The following AGPS variants were observed in gnomAD, a reference collection of about 807,000 sequenced individuals.
AGPS encodes alkylglycerone phosphate synthase.
AGPS carries 26 observed loss-of-function variants against 90.7 expected under a neutral mutation model. That is an observed-to-expected ratio of 0.29 (90% CI 0.21 to 0.40). The LOEUF (loss-of-function observed/expected upper bound fraction) is 0.40. Ranked by LOEUF, AGPS falls within the 10% of genes least tolerant of loss-of-function variation. The pLI is 1.00. For synonymous variants in AGPS, 294 were observed against 285.3 expected (o/e 1.03, Z -0.31); for missense variants, 540 against 816.1 (o/e 0.66, Z 4.12).
chr2:177,393,163 C>T (rs929677170), intron 1 of AGPS, 114 bp downstream of exon 1: 1 of 1,547,136 alleles, frequency 6.5e-7, no homozygotes, highest in Admixed American at 2.0e-5. Flanking sequence ...GAAGGCATCC[C>T]GGTCCCTGAA....
intron 2 of AGPS, among the ~76,000 whole-genome samples, chr2:177,422,583 G>T (rs535868608): frequency 6.6e-6 from 1 of 152,296 alleles, no homozygotes; most frequent in East Asian, 1.9e-4. Context: ...TGCATTAGTG[G>T]AGGGTAGCTT....
chr2:177,511,861 C>A (rs975436354), intron 16 of AGPS, among the ~76,000 whole-genome samples: 3 of 152,164 alleles, frequency 2.0e-5, no homozygotes, highest in African/African-American at 7.2e-5. Flanking sequence ...ATCTCCTTTT[C>A]ATTATTCAAC....
intron 1 of AGPS, among the ~76,000 whole-genome samples, chr2:177,412,263 A>G (rs1480615418): frequency 6.6e-6 from 1 of 152,160 alleles, no homozygotes; most frequent in African/African-American, 2.4e-5. Context: ...CCCAGGAGGT[A>G]TGGGTCAGAA....
intron 10 of AGPS, among the ~76,000 whole-genome samples, chr2:177,469,758 C>A (rs1687557807): frequency 6.6e-6 from 1 of 152,064 alleles, no homozygotes; most frequent in Admixed American, 6.6e-5. Flanking sequence ...CATAATTTTT[C>A]ATTACATTAT....
chr2:177,523,312 T>G (rs942248964), intron 18 of AGPS, among the ~76,000 whole-genome samples: 1 of 152,348 alleles, frequency 6.6e-6, no homozygotes, highest in African/African-American at 2.4e-5. Context: ...AAAGCTATAC[T>G]GAAAATAAGA....
chr2:177,449,708 C>T (rs538317327), intron 8 of AGPS, among the ~76,000 whole-genome samples: 7 of 152,258 alleles, frequency 4.6e-5, no homozygotes, highest in Admixed American at 6.5e-5. Flanking sequence ...ATTATAGGCT[C>T]GGGCCCCTGT....
chr2:177,472,410 T>C (rs1422937983), intron 10 of AGPS, among the ~76,000 whole-genome samples: 1 of 152,140 alleles, frequency 6.6e-6, no homozygotes, highest in Non-Finnish European at 1.5e-5. Flanking sequence ...TCTTGTTTCA[T>C]TTCTTGTTGT....
intron 19 of AGPS, among the ~76,000 whole-genome samples, chr2:177,535,718 G>A (rs2105745203): frequency 6.6e-6 from 1 of 152,242 alleles, no homozygotes; most frequent in East Asian, 1.9e-4. Context: ...TGAAGTAGTT[G>A]ACTTAAATTG....
chr2:177,464,920 A>G (rs1451515296), intron 9 of AGPS, among the ~76,000 whole-genome samples: 1 of 152,268 alleles, frequency 6.6e-6, no homozygotes, highest in East Asian at 1.9e-4. Flanking sequence ...TCTGAAGAAA[A>G]TGCTTCTTTT....
At chr2:177,445,145 G>A (rs1686729128) in intron 7 of AGPS, among the ~76,000 whole-genome samples, 1 of 152,158 alleles carries the variant, frequency 6.6e-6, no homozygotes, top group African/African-American at 2.4e-5. Flanking sequence ...CACAATGCCA[G>A]GACCTGTATA....
At chr2:177,441,944 A>G (rs1262414438) in intron 6 of AGPS, among the ~76,000 whole-genome samples, 1 of 152,204 alleles carries the variant, frequency 6.6e-6, no homozygotes, top group Non-Finnish European at 1.5e-5. Context: ...ATTCTAATTT[A>G]TTAAAGCTTT....
chr2:177,430,844 A>G (rs1007241114), intron 2 of AGPS, among the ~76,000 whole-genome samples: 3 of 152,154 alleles, frequency 2.0e-5, no homozygotes, highest in Admixed American at 6.5e-5. Context: ...GAAAAATGTC[A>G]CTATTTTTGA....
At chr2:177,472,612 C>A (rs373981779) in intron 10 of AGPS, among the ~76,000 whole-genome samples, 1 of 152,132 alleles carries the variant, frequency 6.6e-6, no homozygotes, top group South Asian at 2.1e-4. Flanking sequence ...GTTTACAGAT[C>A]TGATATGCCT....
chr2:177,509,240 A>AT (rs561392259), intron 16 of AGPS, among the ~76,000 whole-genome samples: 19 of 151,994 alleles, frequency 1.3e-4, no homozygotes, highest in South Asian at 6.2e-4. Context: ...GTCATTCACA[A>AT]TTTTTTTTAT....
At chr2:177,460,117 A>T (rs1265315514) in intron 8 of AGPS, among the ~76,000 whole-genome samples, 6 of 152,220 alleles carry the variant, frequency 3.9e-5, no homozygotes, top group African/African-American at 1.2e-4. Context: ...TTGAACAATG[A>T]GTACACATGG....
chr2:177,437,131 T>C, intron 5 of AGPS, 77 bp downstream of exon 5: 1 of 1,347,302 alleles, frequency 7.4e-7, no homozygotes, highest in South Asian at 1.2e-5. Flanking sequence ...AATACGTACT[T>C]TTTGGCATAT....
At chr2:177,482,641 A>G (rs1183781378) in intron 11 of AGPS, among the ~76,000 whole-genome samples, 2 of 152,100 alleles carry the variant, frequency 1.3e-5, no homozygotes, top group African/African-American at 2.4e-5. Flanking sequence ...AGGTAATTCA[A>G]CTTCATCAAT....
At position 177,476,876 on chromosome 2, in the gene AGPS, C is replaced by G. The variant is rs759740519; in HGVS notation, c.1106-5183C>G. Among the ~76,000 whole-genome samples, 108 of 152,142 alleles carry G rather than the reference C, an allele frequency of 7.1e-4. 1 individual carries two copies. Among genetic ancestry groups the G allele is most frequent in the Middle Eastern group, 3.4e-3 (1 of 294 alleles). On this transcript the variant is annotated intron_variant, in intron 10 of 19. Transcript: ENST00000264167. ...ATTCTGTTTATATTTGTTGTTTTGT[C>G]TTCCTGATGGCTTATCATTATAAAA... is the stretch of plus-strand genomic sequence containing the variant.
At chr2:177,492,865 CCAGACA>C (rs1688305213) in intron 11 of AGPS, among the ~76,000 whole-genome samples, 3 of 152,052 alleles carry the variant, frequency 2.0e-5, no homozygotes, top group Admixed American at 1.3e-4. Context: ...TATGTCTTTG[CCAGACA>C]TTAGGCAGCT....
Sources: allele counts gnomAD v4.1 joint callset (sites outside exome capture counted in the v4.1 genomes callset), GRCh38; gene constraint gnomAD v4.1.1; transcripts MANE v1.5; gene names NCBI Gene and HGNC (gene_info 2026-07-23, HGNC 2026-07-21).